Variants in CGNL1 observed in about 807,000 individuals in gnomAD.
The protein encoded by CGNL1 is cingulin-like protein 1.
In CGNL1, 132 loss-of-function variants were observed where a neutral mutation model predicts 141.2. The ratio of observed to expected loss-of-function variants is 0.93; its 90% confidence interval spans 0.81 to 1.08. The LOEUF (loss-of-function observed/expected upper bound fraction) is 1.08. Ranked by LOEUF, CGNL1 falls within the 50% of genes least tolerant of loss-of-function variation. The pLI, the probability that CGNL1 is intolerant of heterozygous loss-of-function variation, is 0.00. For missense variants in CGNL1, 1,870 were observed against 1,588.6 expected (o/e 1.18, Z -3.01); for synonymous variants, 690 against 622.1 (o/e 1.11, Z -1.63).
At chr15:57,500,095 T>C (rs1436001046) in intron 8 of CGNL1, among the ~76,000 whole-genome samples, 8 of 152,110 alleles carry the variant, frequency 5.3e-5, no homozygotes, top group African/African-American at 1.9e-4. Flanking sequence ...GATGAGAACC[T>C]GGGTGTGGGG....
chr15:57,517,748 G>C (rs1305546653), intron 9 of CGNL1, among the ~76,000 whole-genome samples: 1 of 152,212 alleles, frequency 6.6e-6, no homozygotes, highest in Non-Finnish European at 1.5e-5. Context: ...ACCTACTCCT[G>C]TGATGACAGT....
intron 8 of CGNL1, among the ~76,000 whole-genome samples, chr15:57,513,391 C>A (rs974960442): frequency 6.6e-6 from 1 of 151,762 alleles, no homozygotes; most frequent in Non-Finnish European, 1.5e-5. Flanking sequence ...AAATAATATT[C>A]CATTCTATGG....
At chr15:57,447,724 T>C (rs773114597) in intron 4 of CGNL1, among the ~76,000 whole-genome samples, 34 of 152,152 alleles carry the variant, frequency 2.2e-4, no homozygotes, top group Admixed American at 1.0e-3. Flanking sequence ...CTCTCCCAGC[T>C]CTTCTCAGAC....
At chr15:57,403,291 G>A (rs572988292) in intron 1 of CGNL1, among the ~76,000 whole-genome samples, 2 of 152,274 alleles carry the variant, frequency 1.3e-5, no homozygotes, top group Non-Finnish European at 2.9e-5. Context: ...CTGGTTTCCC[G>A]GAAGCATCTG....
At chr15:57,488,650 G>A (rs915591553) in intron 8 of CGNL1, among the ~76,000 whole-genome samples, 1 of 152,204 alleles carries the variant, frequency 6.6e-6, no homozygotes, top group East Asian at 1.9e-4. Flanking sequence ...AGCTGCATTA[G>A]TTGACGGGAT....
At position 57,550,243 on chromosome 15, in the gene CGNL1, G is replaced by A. The variant is rs11856; in HGVS notation, c.*2753G>A. 30,466 of 152,402 alleles carry A rather than the reference G, an allele frequency of 0.2. 3,085 individuals are homozygous for A. Among genetic ancestry groups the A allele is most frequent in the Admixed American group, 0.23 (3,512 of 15,278 alleles). 9.4% of individuals were successfully genotyped at this position (152,402 alleles called of 1,614,324 possible). A position where few individuals can be genotyped will look rare whatever the true frequency, so the allele number is the denominator to read the frequency against. ...GTTAAGAGAAGGGTTTTCAAGTCCC[G>A]GCTCATCTCACCCCAGTGACTTTGA... On this transcript the variant is annotated 3_prime_UTR_variant, in exon 19 of 19. Transcript: ENST00000281282.
intron 4 of CGNL1, among the ~76,000 whole-genome samples, chr15:57,447,196 C>T (rs1347635249): frequency 6.6e-6 from 1 of 152,128 alleles, no homozygotes; most frequent in Non-Finnish European, 1.5e-5. Context: ...AGCAGCGTTC[C>T]GTCATTTTTG....
chr15:57,457,062 T>C (rs2063388649), intron 7 of CGNL1, among the ~76,000 whole-genome samples: 1 of 151,600 alleles, frequency 6.6e-6, no homozygotes, highest in African/African-American at 2.4e-5. Flanking sequence ...TCCTTGGCCA[T>C]CCTGGAACAA....
chr15:57,510,765 T>C (rs1054593515), intron 8 of CGNL1, among the ~76,000 whole-genome samples: 1 of 152,160 alleles, frequency 6.6e-6, no homozygotes, highest in Admixed American at 6.5e-5. Flanking sequence ...GTGGAAAAGT[T>C]GGGGAAGCAC....
chr15:57,404,991 C>A (rs1567096078), intron 1 of CGNL1: 1 of 152,188 alleles, frequency 6.6e-6, no homozygotes, highest in Non-Finnish European at 1.5e-5. Context: ...GAATGCTAAT[C>A]ATTGTACTGC....
At position 57,548,808 on chromosome 15, in the gene CGNL1, T is replaced by G. The variant is rs748149424; in HGVS notation, c.*1318T>G. 1.3e-5 allele frequency: 2 copies of G among 151,684 alleles called. No individual in the cohort carries two copies. Among genetic ancestry groups the G allele is most frequent in the Non-Finnish European group, 2.9e-5 (2 of 67,972 alleles). The allele number at this position is 151,684 out of a possible 1,614,324, so 9.4% of individuals were successfully genotyped here. A position where few individuals can be genotyped will look rare whatever the true frequency, so the allele number is the denominator to read the frequency against. ...GTGTGAGAATGAGGTGGGAGGTGTC[T>G]GGTAAGGTCATGGGGGAAGGGAGAT... On this transcript the variant is annotated 3_prime_UTR_variant, in exon 19 of 19. Coordinates refer to ENST00000281282, the MANE Select transcript of CGNL1 (RefSeq NM_032866.5).
chr15:57,511,733 C>T (rs562566485), intron 8 of CGNL1, among the ~76,000 whole-genome samples: 10 of 152,294 alleles, frequency 6.6e-5, no homozygotes, highest in Non-Finnish European at 1.2e-4. Flanking sequence ...ACAGTTGTTA[C>T]TTTTGCCTTT....
At chr15:57,389,072 C>T (rs2062515017) in intron 1 of CGNL1, among the ~76,000 whole-genome samples, 1 of 151,430 alleles carries the variant, frequency 6.6e-6, no homozygotes, top group African/African-American at 2.4e-5. Context: ...GAGGGGATGT[C>T]AACTACCCTT....
chr15:57,516,080 A>G (rs529307416), intron 8 of CGNL1, among the ~76,000 whole-genome samples: 224 of 149,114 alleles, frequency 1.5e-3, no homozygotes, highest in African/African-American at 5.1e-3. Context: ...AATGGTGTGA[A>G]CCCAGGAGGC....
chr15:57,502,920 C>T (rs1350142234), intron 8 of CGNL1, among the ~76,000 whole-genome samples: 1 of 152,200 alleles, frequency 6.6e-6, no homozygotes, highest in African/African-American at 2.4e-5. Context: ...GGGACCAAGA[C>T]ACCCACTCCT....
chr15:57,383,953 C>A (rs2062454847), intron 1 of CGNL1, among the ~76,000 whole-genome samples: 1 of 151,674 alleles, frequency 6.6e-6, no homozygotes, highest in Non-Finnish European at 1.5e-5. Context: ...CTTAAGATTT[C>A]TTTTACTTGT....
chr15:57,421,058 A>T (rs957645740), intron 1 of CGNL1, among the ~76,000 whole-genome samples: 1 of 152,166 alleles, frequency 6.6e-6, no homozygotes, highest in Non-Finnish European at 1.5e-5. Context: ...GGTCATGAGG[A>T]TGGGGCCCTT....
At chr15:57,445,237 TG>T (rs1414936084) in intron 4 of CGNL1, among the ~76,000 whole-genome samples, 2 of 152,134 alleles carry the variant, frequency 1.3e-5, no homozygotes, top group Admixed American at 6.5e-5. Flanking sequence ...CCAGCCTGGG[TG>T]ACAGAATGAG....
chr15:57,430,376 A>T (rs2063030341), intron 1 of CGNL1, among the ~76,000 whole-genome samples: 1 of 152,174 alleles, frequency 6.6e-6, no homozygotes, highest in Admixed American at 6.5e-5. Context: ...TTAAGCCTCA[A>T]GAGGTGAAAA....
Sources: gnomAD v4.1 joint callset for allele counts (sites outside exome capture counted in the v4.1 genomes callset) on GRCh38, gnomAD v4.1.1 for gene constraint, MANE v1.5 for transcripts, NCBI Gene and HGNC (gene_info 2026-07-23, HGNC 2026-07-21) for gene names.